PRR16: variants seen among roughly 807,000 people sequenced by gnomAD.
PRR16 encodes the protein proline rich 16.
PRR16 carries 6 observed loss-of-function variants against 18.2 expected under a neutral mutation model. That is an observed-to-expected ratio of 0.33 (90% confidence interval 0.18 to 0.65). The LOEUF (loss-of-function observed/expected upper bound fraction) is 0.65, where lower values mean the gene tolerates loss of function less well. PRR16 is among the 30% of genes least tolerant of loss of function. The pLI is 0.74. For synonymous variants in PRR16, 151 were observed against 147.8 expected (o/e 1.02, Z -0.16); for missense variants, 412 against 376.6 (o/e 1.09, Z -0.78).
the PRR16 span, among the ~76,000 whole-genome samples, chr5:120,699,378 G>A: frequency 6.6e-6 from 1 of 152,236 alleles, no homozygotes; most frequent in South Asian, 2.1e-4. Flanking sequence ...CAGGAAAGAA[G>A]GAAATTTGGG....
chr5:120,668,428 T>C (rs547097537), intron 1 of PRR16, among the ~76,000 whole-genome samples: 1 of 150,388 alleles, frequency 6.6e-6, no homozygotes, highest in South Asian at 2.2e-4. Context: ...TCTGTGTCTT[T>C]TAATTGGAGC....
the PRR16 span, among the ~76,000 whole-genome samples, chr5:120,694,741 T>G: frequency 6.6e-6 from 1 of 151,890 alleles, no homozygotes; most frequent in Admixed American, 6.6e-5. Flanking sequence ...TTTAATAAAC[T>G]GTTTTGACAA....
At chr5:120,678,091 A>G (rs549599056) in intron 1 of PRR16, among the ~76,000 whole-genome samples, 1 of 151,760 alleles carries the variant, frequency 6.6e-6, no homozygotes, top group East Asian at 1.9e-4. Context: ...TTGTATTTTT[A>G]GTAGAGACGG....
the PRR16 span, among the ~76,000 whole-genome samples, chr5:120,715,665 G>A: frequency 6.6e-6 from 1 of 152,104 alleles, no homozygotes; most frequent in Admixed American, 6.5e-5. Flanking sequence ...AACAAAGCAA[G>A]TAAAAGCAGT....
chr5:120,700,779 A>G, the PRR16 span, among the ~76,000 whole-genome samples: 2 of 152,234 alleles, frequency 1.3e-5, no homozygotes, highest in East Asian at 1.9e-4. Context: ...CTTGCCTTCC[A>G]CTGTGAGAGT....
At chr5:120,537,772 T>G (rs300971) in intron 1 of PRR16, among the ~76,000 whole-genome samples, 1 of 68,858 alleles carries the variant, frequency 1.5e-5, no homozygotes, top group Non-Finnish European at 2.7e-5. Flanking sequence ...TTTTAATGTT[T>G]TTTTTTTTTT....
chr5:120,792,547 C>T, the PRR16 span, among the ~76,000 whole-genome samples: 3 of 152,064 alleles, frequency 2.0e-5, no homozygotes, highest in South Asian at 2.1e-4. Flanking sequence ...ATTTTTATCT[C>T]GAAATGCCAA....
At chr5:120,635,087 A>T (rs1467782322) in intron 1 of PRR16, among the ~76,000 whole-genome samples, 1 of 152,170 alleles carries the variant, frequency 6.6e-6, no homozygotes, top group African/African-American at 2.4e-5. Context: ...CTCTCAGAAC[A>T]GACCAATAAC....
the PRR16 span, among the ~76,000 whole-genome samples, chr5:120,742,078 C>T: frequency 6.6e-6 from 1 of 151,864 alleles, no homozygotes; most frequent in African/African-American, 2.4e-5. Context: ...CATTTATTTA[C>T]AATTAAGCTT....
chr5:120,566,458 T>C (rs571832407), intron 1 of PRR16, among the ~76,000 whole-genome samples: 2 of 152,348 alleles, frequency 1.3e-5, no homozygotes, highest in South Asian at 4.1e-4. Context: ...CTTTTGAATC[T>C]TGTTGAGCTT....
chr5:120,713,552 G>T, the PRR16 span, among the ~76,000 whole-genome samples: 24 of 152,104 alleles, frequency 1.6e-4, no homozygotes, highest in African/African-American at 5.6e-4. Context: ...CAGAAAATTT[G>T]TGAAGTTTTA....
At chr5:120,692,015 C>T (rs1220215897), downstream of PRR16, among the ~76,000 whole-genome samples, 1 of 152,128 alleles carries the variant, frequency 6.6e-6, no homozygotes, top group Non-Finnish European at 1.5e-5. Flanking sequence ...ACTGGCTACC[C>T]ATGATCTTAG....
At chr5:120,754,009 A>T in the PRR16 span, among the ~76,000 whole-genome samples, 1 of 128,156 alleles carries the variant, frequency 7.8e-6, no homozygotes, top group South Asian at 2.2e-4. Flanking sequence ...TATATATATT[A>T]TATAATATAT....
intron 1 of PRR16, among the ~76,000 whole-genome samples, chr5:120,648,460 C>A (rs1755669342): frequency 6.6e-6 from 1 of 152,026 alleles, no homozygotes; most frequent in Non-Finnish European, 1.5e-5. Flanking sequence ...CCCTGCCTTC[C>A]CTTACATTCA....
chr5:120,674,579 G>A (rs1386839262), intron 1 of PRR16, among the ~76,000 whole-genome samples: 1 of 151,998 alleles, frequency 6.6e-6, no homozygotes, highest in Admixed American at 6.6e-5. Flanking sequence ...ATTTTTTTCT[G>A]AGTGTCTTGA....
intron 1 of PRR16, among the ~76,000 whole-genome samples, chr5:120,542,956 AG>A (rs1179739629): frequency 6.6e-6 from 1 of 152,190 alleles, no homozygotes; most frequent in African/African-American, 2.4e-5. Flanking sequence ...TTTAACTATT[AG>A]GAAACTATTT....
chr5:120,788,049 T>A, the PRR16 span, among the ~76,000 whole-genome samples: 3 of 151,944 alleles, frequency 2.0e-5, no homozygotes, highest in South Asian at 6.2e-4. Flanking sequence ...ATTTTACTAT[T>A]TTTGAAAATT....
At chr5:120,694,785 T>C in the PRR16 span, among the ~76,000 whole-genome samples, 412 of 152,288 alleles carry the variant, frequency 2.7e-3, no homozygotes, top group Non-Finnish European at 4.3e-3. Flanking sequence ...TAACTTGTAA[T>C]AGCACATGAA....
At chr5:120,704,560 A>G in the PRR16 span, among the ~76,000 whole-genome samples, 1 of 152,146 alleles carries the variant, frequency 6.6e-6, no homozygotes, top group Non-Finnish European at 1.5e-5. Context: ...AGTATTTTAA[A>G]ACTCATGAGC....
Sources: allele counts gnomAD v4.1 joint callset (sites outside exome capture counted in the v4.1 genomes callset), GRCh38; gene constraint gnomAD v4.1.1; transcripts MANE v1.5; gene names NCBI Gene and HGNC (gene_info 2026-07-23, HGNC 2026-07-21).